Variants in RIMS2 observed in about 807,000 individuals in gnomAD.
RIMS2 encodes regulating synaptic membrane exocytosis 2.
A neutral mutation model predicts 174.4 loss-of-function variants in RIMS2; 59 were observed. The ratio of observed to expected loss-of-function variants is 0.34; its 90% confidence interval spans 0.27 to 0.42. The LOEUF is 0.42. Ranked by LOEUF, RIMS2 falls within the 10% of genes least tolerant of loss-of-function variation. The pLI is 1.00. For missense variants in RIMS2, 1,620 were observed against 1,666.3 expected, an observed-to-expected ratio of 0.97 and a Z score of 0.48; for synonymous variants, 606 against 572.5, an observed-to-expected ratio of 1.06 and a Z score of -0.84.
At chr8:104,042,677 T>C (rs543457067) in intron 19 of RIMS2, among the ~76,000 whole-genome samples, 25 of 151,796 alleles carry the variant, frequency 1.6e-4, no homozygotes, top group South Asian at 1.0e-3. Context: ...GAATATATGT[T>C]ATACAAGTTT....
intron 1 of RIMS2, among the ~76,000 whole-genome samples, chr8:103,655,943 A>G (rs958345668): frequency 2.6e-5 from 4 of 152,166 alleles, no homozygotes; most frequent in African/African-American, 9.6e-5. Context: ...TAAAGAACAT[A>G]TTGACTGCTC....
intron 1 of RIMS2, among the ~76,000 whole-genome samples, chr8:103,629,227 TCTCAATTAGAGAGCTG>T (rs1221136189): frequency 6.6e-6 from 1 of 152,128 alleles, no homozygotes; most frequent in Non-Finnish European, 1.5e-5. Flanking sequence ...TACCATATCC[TCTCAATTAGAGAGCTG>T]AAGGAGGATT....
At chr8:103,816,910 T>C (rs2098721557) in intron 3 of RIMS2, among the ~76,000 whole-genome samples, 1 of 152,222 alleles carries the variant, frequency 6.6e-6, no homozygotes, top group South Asian at 2.1e-4. Flanking sequence ...GAAACCTTTT[T>C]AACAGTAAAT....
intron 3 of RIMS2, among the ~76,000 whole-genome samples, chr8:103,788,041 C>T (rs1321395368): frequency 2.0e-5 from 3 of 151,174 alleles, no homozygotes; most frequent in African/African-American, 7.3e-5. Context: ...TTGCTGATAC[C>T]CTTTCTTCCA....
intron 19 of RIMS2, among the ~76,000 whole-genome samples, chr8:104,231,126 T>C (rs2099225702): frequency 6.6e-6 from 1 of 152,170 alleles, no homozygotes; most frequent in Non-Finnish European, 1.5e-5. Flanking sequence ...GTTGTCACCT[T>C]GGTAGTTTGG....
chr8:103,920,987 A>G (rs1411227976), intron 9 of RIMS2: 1 of 249,052 alleles, frequency 4.0e-6, no homozygotes, highest in African/African-American at 2.5e-5. Flanking sequence ...CCACAGAATG[A>G]GATTCTGTCT....
chr8:104,246,288 T>A (rs1165834432), intron 20 of RIMS2, among the ~76,000 whole-genome samples: 3 of 152,178 alleles, frequency 2.0e-5, no homozygotes, highest in Non-Finnish European at 4.4e-5. Context: ...GGCTTTGCAG[T>A]CATATAGGTC....
intron 17 of RIMS2, among the ~76,000 whole-genome samples, chr8:103,990,811 A>G (rs550574315): frequency 2.0e-5 from 3 of 152,152 alleles, no homozygotes; most frequent in African/African-American, 7.2e-5. Flanking sequence ...AATTTTATGT[A>G]AAGTTTTATT....
intron 19 of RIMS2, among the ~76,000 whole-genome samples, chr8:104,101,990 A>G (rs900087995): frequency 2.0e-5 from 3 of 152,066 alleles, no homozygotes; most frequent in African/African-American, 7.2e-5. Context: ...ATTTTCCAGG[A>G]TCCCATCCTG....
chr8:103,531,984 G>T (rs186428877), intron 1 of RIMS2, among the ~76,000 whole-genome samples: 3 of 152,160 alleles, frequency 2.0e-5, no homozygotes, highest in South Asian at 2.1e-4. Context: ...AGTCAATTTA[G>T]GCATGAATTA....
chr8:103,734,569 C>T (rs139971018), intron 2 of RIMS2, among the ~76,000 whole-genome samples: 40 of 151,264 alleles, frequency 2.6e-4, no homozygotes, highest in Admixed American at 4.0e-4. Context: ...GCTTGTTATT[C>T]CTTGTAAGGA....
At chr8:104,178,829 G>A (rs573601950) in intron 19 of RIMS2, among the ~76,000 whole-genome samples, 8 of 152,086 alleles carry the variant, frequency 5.3e-5, no homozygotes, top group African/African-American at 1.7e-4. Context: ...AAACAGATTA[G>A]AGGAGGAATA....
chr8:103,755,646 C>G (rs1250096377), intron 2 of RIMS2, among the ~76,000 whole-genome samples: 1 of 151,990 alleles, frequency 6.6e-6, no homozygotes, highest in Non-Finnish European at 1.5e-5. Flanking sequence ...TTTCTCTAAT[C>G]TTGTTTTCTT....
At chr8:103,507,515 G>A (rs1206976850) in intron 1 of RIMS2, among the ~76,000 whole-genome samples, 1 of 151,916 alleles carries the variant, frequency 6.6e-6, no homozygotes, top group African/African-American at 2.4e-5. Context: ...CATCTAGGTG[G>A]TACAAACTTT....
chr8:103,971,737 A>C (rs2092902941), intron 15 of RIMS2, among the ~76,000 whole-genome samples: 1 of 151,834 alleles, frequency 6.6e-6, no homozygotes, highest in Non-Finnish European at 1.5e-5. Flanking sequence ...ATTCCCAGCT[A>C]ATTTTTGTAT....
At chr8:103,919,442 C>T (rs550870505) in intron 9 of RIMS2, among the ~76,000 whole-genome samples, 1 of 151,594 alleles carries the variant, frequency 6.6e-6, no homozygotes, top group African/African-American at 2.4e-5. Context: ...TTGACTTTTA[C>T]TTTCAGGAAA....
chr8:104,005,566 T>A (rs1329906909), intron 17 of RIMS2, among the ~76,000 whole-genome samples: 1 of 152,238 alleles, frequency 6.6e-6, no homozygotes, highest in East Asian at 1.9e-4. Flanking sequence ...AAGAATGGTA[T>A]GGAAGAGAGT....
At chr8:103,621,955 A>ATATATT (rs2095645254) in intron 1 of RIMS2, among the ~76,000 whole-genome samples, 3 of 152,212 alleles carry the variant, frequency 2.0e-5, no homozygotes, top group Admixed American at 2.0e-4. Flanking sequence ...ACCAAAAATA[A>ATATATT]TTGGTTCCAA....
chr8:104,086,781 C>A (rs949666481), intron 19 of RIMS2, among the ~76,000 whole-genome samples: 1 of 152,064 alleles, frequency 6.6e-6, no homozygotes, highest in African/African-American at 2.4e-5. Flanking sequence ...GGAGAAAATG[C>A]CTTCTTCACA....
Sources: gnomAD v4.1 joint callset for allele counts (sites outside exome capture counted in the v4.1 genomes callset) on GRCh38, gnomAD v4.1.1 for gene constraint, MANE v1.5 for transcripts, NCBI Gene and HGNC (gene_info 2026-07-23, HGNC 2026-07-21) for gene names.